The following ST3GAL3 variants were observed in gnomAD, a reference collection of about 807,000 sequenced individuals.
ST3GAL3 encodes CMP-N-acetylneuraminate-beta-1,4-galactoside alpha-2,3-sialyltransferase.
In ST3GAL3, 21 loss-of-function variants were observed where a neutral mutation model predicts 50.1. The observed-to-expected ratio is 0.42, with a 90% confidence interval of 0.30 to 0.60. The LOEUF is 0.60. Among genes scored for constraint, ST3GAL3 ranks in the 20% least tolerant of loss-of-function variants. The pLI is 0.19. For missense variants in ST3GAL3, 353 were observed against 489.4 expected, an observed-to-expected ratio of 0.72 and a Z score of 2.63; for synonymous variants, 183 against 190.0, an observed-to-expected ratio of 0.96 and a Z score of 0.30.
At position 43,899,316 on chromosome 1, in the gene ST3GAL3, T is replaced by A; in HGVS notation, c.557+53T>A. ...TGAGTGTCGTGGCCCCAACCCTTAG[T>A]CCTGAGCCCATTGAGAACTGTCTGT... On this transcript the variant is annotated intron_variant, in intron 8 of 11. Transcript: ENST00000347631. The surrounding 1 kb of genome is among the most constrained non-coding windows in gnomAD (Gnocchi z 5.4). The A allele has an allele frequency of 6.2e-7, 1 of 1,613,874 alleles. No homozygotes were observed. Among genetic ancestry groups the A allele is most frequent in the Non-Finnish European group, 8.5e-7 (1 of 1,179,944 alleles).
At chr1:43,892,230 A>G (rs2076783405) in intron 5 of ST3GAL3, among the ~76,000 whole-genome samples, 1 of 151,928 alleles carries the variant, frequency 6.6e-6, no homozygotes, top group Non-Finnish European at 1.5e-5. Context: ...GGCACAAGCC[A>G]CTGCGCCCAG....
chr1:43,769,619 T>A (rs1036150612), intron 2 of ST3GAL3, among the ~76,000 whole-genome samples: 1 of 152,180 alleles, frequency 6.6e-6, no homozygotes, highest in Non-Finnish European at 1.5e-5. Flanking sequence ...CTAACATTTA[T>A]TCAGTTCCTA....
At chr1:43,854,403 C>T (rs555433078) in intron 5 of ST3GAL3, among the ~76,000 whole-genome samples, 2 of 152,280 alleles carry the variant, frequency 1.3e-5, no homozygotes, top group Admixed American at 6.5e-5. Flanking sequence ...ATCTCTTCCT[C>T]CATTTTGAAA....
intron 5 of ST3GAL3, among the ~76,000 whole-genome samples, chr1:43,880,539 C>T (rs959895353): frequency 6.6e-6 from 1 of 152,030 alleles, no homozygotes; most frequent in Admixed American, 6.5e-5. Context: ...TCCCTCTCTC[C>T]GCTTGTCTCC....
chr1:43,784,998 A>G (rs2057110365), intron 2 of ST3GAL3, among the ~76,000 whole-genome samples: 1 of 152,076 alleles, frequency 6.6e-6, no homozygotes, highest in Non-Finnish European at 1.5e-5. Flanking sequence ...TCCTAAATTA[A>G]TGATGATGTT....
At chr1:43,925,995 C>A (rs1463935134) in intron 11 of ST3GAL3, among the ~76,000 whole-genome samples, 3 of 152,124 alleles carry the variant, frequency 2.0e-5, no homozygotes, top group South Asian at 4.1e-4. Context: ...TAGACGGCAC[C>A]TACATCTGTG....
At position 43,807,508 on chromosome 1, in the gene ST3GAL3, G is replaced by A. The variant is rs2060041928; in HGVS notation, c.167-7383G>A. Among the ~76,000 whole-genome samples the A allele has an allele frequency of 3.9e-5, 6 of 152,242 alleles. No homozygotes were observed. In the South Asian group the frequency reaches 1.2e-3, roughly 32 times the overall value. On this transcript the variant is annotated intron_variant, in intron 3 of 11. Transcript: ENST00000347631. ...GGGGATCTTGTAGGTGAAGAGATTG[G>A]GATTTGTTCTGAGAACAGTAGAATC...
intron 5 of ST3GAL3, among the ~76,000 whole-genome samples, chr1:43,882,224 TAAG>T: frequency 6.6e-6 from 1 of 152,070 alleles, no homozygotes; most frequent in East Asian, 1.9e-4. Context: ...ATGTGAATGA[TAAG>T]GAGACGAGAA....
chr1:43,874,816 G>A (rs145607001), intron 5 of ST3GAL3, among the ~76,000 whole-genome samples: 117 of 152,278 alleles, frequency 7.7e-4, no homozygotes, highest in African/African-American at 2.6e-3. Context: ...GGTTATCTAT[G>A]GGAACAAGAA....
At chr1:43,882,966 T>A (rs2075388058) in intron 5 of ST3GAL3, among the ~76,000 whole-genome samples, 1 of 44,920 alleles carries the variant, frequency 2.2e-5, no homozygotes, top group African/African-American at 4.7e-5. Context: ...TTTATTTATT[T>A]ATTTATTTAT....
intron 2 of ST3GAL3, among the ~76,000 whole-genome samples, chr1:43,752,698 C>T (rs1267692887): frequency 6.6e-6 from 1 of 152,124 alleles, no homozygotes; most frequent in Admixed American, 6.6e-5. Flanking sequence ...GAGTGGGTCT[C>T]ACCATGTTTG....
At chr1:43,762,260 A>AT (rs1416395274) in intron 2 of ST3GAL3, among the ~76,000 whole-genome samples, 3 of 145,996 alleles carry the variant, frequency 2.1e-5, no homozygotes, top group Non-Finnish European at 4.5e-5. Context: ...ACCCTGTCTC[A>AT]TTAAAAAAAA....
chr1:43,885,179 C>T (rs2075769247), intron 5 of ST3GAL3, among the ~76,000 whole-genome samples: 3 of 152,180 alleles, frequency 2.0e-5, no homozygotes. Flanking sequence ...TAATCATAGT[C>T]CTCTTTCAGT....
chr1:43,802,859 C>T lies in ST3GAL3; in HGVS notation c.166+10710C>T, dbSNP rs111753256. The stretch of plus-strand genomic sequence containing the variant: ...AATGTTATTCCATGCAATAGCTTCT[C>T]AATACTTAAATTTTAAATTAAGAGT... On this transcript the variant is annotated intron_variant, in intron 3 of 11. Coordinates refer to ENST00000347631, the MANE Select transcript of ST3GAL3 (RefSeq NM_006279.5). Among the ~76,000 whole-genome samples, 56 of 152,296 alleles carry T rather than the reference C, an allele frequency of 3.7e-4. 4 individuals are homozygous for T. Among genetic ancestry groups the T allele is most frequent in the African/African-American group, 1.2e-3 (51 of 41,574 alleles).
chr1:43,923,039 A>G (rs572908579), intron 11 of ST3GAL3, among the ~76,000 whole-genome samples: 2 of 152,138 alleles, frequency 1.3e-5, no homozygotes, highest in African/African-American at 4.8e-5. Context: ...CAGTGAACCG[A>G]GATCACACCA....
At chr1:43,829,330 A>G (rs922285273) in intron 4 of ST3GAL3, among the ~76,000 whole-genome samples, 9 of 152,226 alleles carry the variant, frequency 5.9e-5, no homozygotes, top group Admixed American at 2.6e-4. Flanking sequence ...AAAAATAAAA[A>G]CAAAACCCCA....
intron 2 of ST3GAL3, among the ~76,000 whole-genome samples, chr1:43,761,394 A>G (rs563934109): frequency 6.6e-6 from 1 of 151,986 alleles, no homozygotes; most frequent in South Asian, 2.1e-4. Flanking sequence ...TGTTAATGAT[A>G]TTGTGGTCGT....
intron 2 of ST3GAL3, among the ~76,000 whole-genome samples, chr1:43,765,803 C>CCGCG (rs1692643200): frequency 4.4e-5 from 6 of 137,870 alleles, no homozygotes; most frequent in Admixed American, 2.1e-4. Flanking sequence ...GCGCGCGCGT[C>CCGCG]CGCGCGTCCG....
chr1:43,788,264 G>A (rs1392425200), intron 2 of ST3GAL3, among the ~76,000 whole-genome samples: 1 of 152,140 alleles, frequency 6.6e-6, no homozygotes, highest in Non-Finnish European at 1.5e-5. Context: ...GTTTAAAAGA[G>A]ACTTTATATC....
Sources: gnomAD v4.1 joint callset for allele counts (sites outside exome capture counted in the v4.1 genomes callset) on GRCh38, gnomAD v4.1.1 for gene constraint, Gnocchi (gnomAD v3.1) non-coding constraint, MANE v1.5 for transcripts, NCBI Gene and HGNC (gene_info 2026-07-23, HGNC 2026-07-21) for gene names.